Variants in TIMM9 observed in about 807,000 individuals in gnomAD.
TIMM9 encodes the protein translocase of inner mitochondrial membrane 9, also known as mitochondrial import inner membrane translocase subunit Tim9.
A neutral mutation model predicts 13.4 loss-of-function variants in TIMM9; 10 were observed. The observed-to-expected ratio is 0.75, with a 90% CI of 0.46 to 1.26. The LOEUF is 1.26. Ranked by LOEUF, TIMM9 falls within the 50% of genes most tolerant of loss-of-function variation. TIMM9 has a pLI of 0.00. For missense variants in TIMM9, 87 were observed against 100.8 expected (o/e 0.86, Z 0.58); for synonymous variants, 32 against 32.1 (o/e 1.00, Z 0.01).
chr14:58,408,992 T>C lies in TIMM9; in HGVS notation c.*42A>G. The stretch of plus-strand genomic sequence containing the variant: ...GAGTCCTCATTTCCAATAAAGCAGC[T>C]GTTGGCAATCTTTCATCAAAAGTTC... On this transcript the variant is annotated 3_prime_UTR_variant, in exon 6 of 6. Coordinates refer to ENST00000395159, the MANE Select transcript of TIMM9 (RefSeq NM_012460.4). The C allele has an allele frequency of 6.3e-7, 1 of 1,590,772 alleles. No individual in the cohort carries two copies. The highest frequency in any genetic ancestry group is 1.2e-5 in the South Asian group (1 of 86,756).
At chr14:58,411,738 T>C (rs1269570765) in intron 4 of TIMM9, among the ~76,000 whole-genome samples, 169 bp downstream of exon 4, 1 of 152,014 alleles carries the variant, frequency 6.6e-6, no homozygotes, top group Non-Finnish European at 1.5e-5. Flanking sequence ...AGTTTCACCA[T>C]GTTGGCCAGG....
intron 2 of TIMM9, among the ~76,000 whole-genome samples, 189 bp downstream of exon 2, chr14:58,426,865 C>T (rs1366651219): frequency 2.0e-5 from 3 of 152,192 alleles, no homozygotes; most frequent in Non-Finnish European, 4.4e-5. Context: ...TTCCTACCCT[C>T]GCCCAGGTGA....
chr14:58,414,140 T>C (rs1344505979), intron 3 of TIMM9, among the ~76,000 whole-genome samples: 1 of 151,902 alleles, frequency 6.6e-6, no homozygotes, highest in African/African-American at 2.4e-5. Context: ...ATACATTTTA[T>C]TTAGTTAAGA....
chr14:58,424,166 T>C (rs912905443), intron 2 of TIMM9, 71 bp from the exon 3 acceptor site: 1 of 152,258 alleles, frequency 6.6e-6, no homozygotes, highest in Admixed American at 6.5e-5. Context: ...AAATGTAAAC[T>C]TCTATTGGCT....
intron 4 of TIMM9, 35 bp downstream of exon 4, chr14:58,411,872 T>TG (rs778151615): frequency 6.2e-7 from 1 of 1,607,492 alleles, no homozygotes; most frequent in South Asian, 1.1e-5. Context: ...TACATTTTTT[T>TG]GCAAAATCTT....
chr14:58,415,216 T>C (rs766627772), intron 3 of TIMM9, among the ~76,000 whole-genome samples: 11 of 152,162 alleles, frequency 7.2e-5, no homozygotes, highest in African/African-American at 2.4e-4. Context: ...CTCCCACCAC[T>C]TCCCCTCATG....
chr14:58,411,683 T>C (rs929459277), intron 4 of TIMM9, among the ~76,000 whole-genome samples: 3 of 151,294 alleles, frequency 2.0e-5, no homozygotes, highest in Non-Finnish European at 4.4e-5. Flanking sequence ...GGACTAGAGG[T>C]GTGCGCCAGC....
At chr14:58,426,205 C>CT (rs372570202) in intron 2 of TIMM9, among the ~76,000 whole-genome samples, 176 of 150,228 alleles carry the variant, frequency 1.2e-3, no homozygotes, top group African/African-American at 3.7e-3. Context: ...CCCTTAAAGT[C>CT]TTTTTTTTTC....
intron 3 of TIMM9, among the ~76,000 whole-genome samples, chr14:58,419,363 G>A (rs2036513824): frequency 6.6e-6 from 1 of 151,558 alleles, no homozygotes; most frequent in Non-Finnish European, 1.5e-5. Flanking sequence ...TCTGAGGCAG[G>A]AGAATCATTT....
chr14:58,415,662 C>T (rs545235010), intron 3 of TIMM9, among the ~76,000 whole-genome samples: 2 of 152,104 alleles, frequency 1.3e-5, no homozygotes, highest in East Asian at 1.9e-4. Flanking sequence ...ACCTGAATTA[C>T]AGAGAAAAAC....
intron 3 of TIMM9, among the ~76,000 whole-genome samples, chr14:58,423,085 G>A (rs1031351015): frequency 8.6e-5 from 13 of 151,988 alleles, no homozygotes; most frequent in Non-Finnish European, 7.4e-5. Context: ...GATTACAGGC[G>A]TGAGCCACTG....
intron 3 of TIMM9, among the ~76,000 whole-genome samples, chr14:58,413,744 A>G (rs2036295138): frequency 6.6e-6 from 1 of 151,970 alleles, no homozygotes; most frequent in Non-Finnish European, 1.5e-5. Flanking sequence ...GTGGTGGCTC[A>G]CGCCTGTAAT....
intron 3 of TIMM9, among the ~76,000 whole-genome samples, chr14:58,418,049 T>A (rs2140331440): frequency 6.6e-6 from 1 of 152,080 alleles, no homozygotes; most frequent in Non-Finnish European, 1.5e-5. Flanking sequence ...ATATCCCTCA[T>A]GAAAGATATA....
chr14:58,424,570 A>T (rs193244098), intron 2 of TIMM9, among the ~76,000 whole-genome samples: 1 of 152,332 alleles, frequency 6.6e-6, no homozygotes, highest in East Asian at 1.9e-4. Flanking sequence ...AAATAGCCAA[A>T]TATATGTTAT....
chr14:58,408,891 G>A lies in TIMM9; in HGVS notation c.*143C>T, dbSNP rs908535271. ...GGTAAATAGCAATTTTGTTTCTCCAGCGGTTTCCATTTGCCAAACAGTCAT... is the reference window on the plus strand; with the variant it reads ...GGTAAATAGCAATTTTGTTTCTCCAACGGTTTCCATTTGCCAAACAGTCAT... On this transcript the variant is annotated 3_prime_UTR_variant, in exon 6 of 6. Transcript: ENST00000395159. The A allele has an allele frequency of 1.6e-6, 2 of 1,222,320 alleles. No individual in the cohort carries two copies. The highest frequency in any genetic ancestry group is 3.1e-5 in the African/African-American group (2 of 64,914). The allele number at this position is 1,222,320 out of a possible 1,614,324, so 75.7% of individuals were successfully genotyped here. A position where few individuals can be genotyped will look rare whatever the true frequency, so the allele number is the denominator to read the frequency against.
chr14:58,423,582 T>C (rs1349956806), intron 3 of TIMM9, among the ~76,000 whole-genome samples: 2 of 132,800 alleles, frequency 1.5e-5, no homozygotes, highest in Non-Finnish European at 3.2e-5. Flanking sequence ...TCAGAGAAAA[T>C]ACTGGAGATG....
chr14:58,408,804 T>C lies in TIMM9; in HGVS notation c.*230A>G, dbSNP rs777006486. 1.2e-5 allele frequency: 8 copies of C among 688,600 alleles called. No individual in the cohort carries two copies. The South Asian group carries it at 1.8e-4, about 16-fold the overall frequency. The allele number at this position is 688,600 out of a possible 1,614,324, so 42.7% of individuals were successfully genotyped here. On this transcript the variant is annotated 3_prime_UTR_variant, in exon 6 of 6. Transcript: ENST00000395159. ...GACCAAGCTGCTGAATCATAAGGCC[T>C]CAACAAATGTTGCATCTTATTATTT...
intron 3 of TIMM9, among the ~76,000 whole-genome samples, chr14:58,418,748 A>G (rs1034138906): frequency 8.7e-4 from 133 of 152,242 alleles, no homozygotes; most frequent in African/African-American, 3.0e-3. Flanking sequence ...CTAACAAAAC[A>G]TGTACGGACT....
chr14:58,422,013 CTT>C (rs34329213), intron 3 of TIMM9, among the ~76,000 whole-genome samples: 142 of 121,118 alleles, frequency 1.2e-3, no homozygotes, highest in Admixed American at 2.4e-3. Flanking sequence ...AAAATCTGTT[CTT>C]TTTTTTTTTT....
Sources: allele counts gnomAD v4.1 joint callset (sites outside exome capture counted in the v4.1 genomes callset), GRCh38; gene constraint gnomAD v4.1.1; transcripts MANE v1.5; gene names NCBI Gene and HGNC (gene_info 2026-07-23, HGNC 2026-07-21).